LYPD6: variants seen among roughly 807,000 people sequenced by gnomAD.
LYPD6 encodes ly6/PLAUR domain-containing protein 6.
LYPD6 carries 15 observed loss-of-function variants against 22.7 expected under a neutral mutation model. The observed-to-expected ratio is 0.66, with a 90% CI of 0.44 to 1.02. LYPD6 has a LOEUF of 1.02. Ranked by LOEUF, LYPD6 falls within the 50% of genes least tolerant of loss-of-function variation. The pLI is 0.00. For missense variants in LYPD6, 189 were observed against 208.4 expected (o/e 0.91, Z 0.57); for synonymous variants, 72 against 77.5 (o/e 0.93, Z 0.37).
chr2:149,470,896 A>G lies in LYPD6; in HGVS notation c.*46A>G, dbSNP rs762111008. 6.4e-7 allele frequency: 1 copy of G among 1,560,968 alleles called. No homozygotes were observed. The highest frequency in any genetic ancestry group is 8.8e-7 in the Non-Finnish European group (1 of 1,137,256). On this transcript the variant is annotated 3_prime_UTR_variant, in exon 5 of 5. Transcript: ENST00000334166. ...TTAATAGCGATCCATGGGGATCTCG[A>G]TGGTCCACAGACCTGCATGAGTCAT...
intron 1 of LYPD6, among the ~76,000 whole-genome samples, chr2:149,367,470 C>T (rs1301091349): frequency 6.6e-6 from 1 of 152,120 alleles, no homozygotes; most frequent in East Asian, 1.9e-4. Flanking sequence ...TAGAGAGTCA[C>T]TAGAACAGCC....
At chr2:149,388,822 A>T (rs149355955) in intron 1 of LYPD6, among the ~76,000 whole-genome samples, 2 of 152,182 alleles carry the variant, frequency 1.3e-5, no homozygotes, top group African/African-American at 4.8e-5. Flanking sequence ...TCTGTTTTCA[A>T]TAACATTCAA....
At chr2:149,424,133 A>G (rs1189814308) in intron 1 of LYPD6, among the ~76,000 whole-genome samples, 2 of 152,280 alleles carry the variant, frequency 1.3e-5, no homozygotes, top group African/African-American at 4.8e-5. Context: ...GTCAATATGC[A>G]CACAACACAC....
chr2:149,450,240 C>G (rs965919504), intron 3 of LYPD6, among the ~76,000 whole-genome samples: 15 of 152,310 alleles, frequency 9.8e-5, no homozygotes, highest in African/African-American at 3.1e-4. Flanking sequence ...ACATAGATTT[C>G]TGCTCCCACC....
At chr2:149,397,019 A>G (rs1682441695) in intron 1 of LYPD6, among the ~76,000 whole-genome samples, 1 of 152,166 alleles carries the variant, frequency 6.6e-6, no homozygotes, top group African/African-American at 2.4e-5. Context: ...ACCTAATACA[A>G]TGTAAATGCT....
chr2:149,392,800 C>T lies in LYPD6; in HGVS notation c.-71-44838C>T, dbSNP rs1385935532. The stretch of plus-strand genomic sequence containing the variant: ...CAGCACTTTGGGAGGCTGAGGCGGC[C>T]GGATCACAAGGTCCGGAGTTCAAGA... On this transcript the variant is annotated intron_variant, in intron 1 of 4. Transcript: ENST00000334166. Among the ~76,000 whole-genome samples the T allele has an allele frequency of 4.6e-5, 7 of 151,960 alleles. No individual in the cohort carries two copies. In the East Asian group the frequency reaches 5.8e-4, roughly 13 times the overall value.
chr2:149,433,962 A>G (rs1294783961), intron 1 of LYPD6, among the ~76,000 whole-genome samples: 1 of 152,076 alleles, frequency 6.6e-6, no homozygotes, highest in Admixed American at 6.6e-5. Flanking sequence ...ATCTCCCACC[A>G]TTTCTTTTTA....
chr2:149,347,935 G>A (rs780016118), intron 1 of LYPD6, among the ~76,000 whole-genome samples: 1 of 151,966 alleles, frequency 6.6e-6, no homozygotes, highest in East Asian at 1.9e-4. Context: ...ATAGAGTGGA[G>A]CTGGGCGTGG....
intron 1 of LYPD6, among the ~76,000 whole-genome samples, chr2:149,377,890 G>GTAATGA (rs1484699283): frequency 6.7e-6 from 1 of 148,224 alleles, no homozygotes; most frequent in East Asian, 2.0e-4. Flanking sequence ...TTGCCCTGGA[G>GTAATGA]CCTCCTGCAG....
intron 1 of LYPD6, among the ~76,000 whole-genome samples, chr2:149,361,955 A>T (rs1263621888): frequency 6.6e-6 from 1 of 152,140 alleles, no homozygotes; most frequent in African/African-American, 2.4e-5. Context: ...GAAGAAGCAG[A>T]GGTTGCAATG....
chr2:149,393,339 G>A (rs949956827), intron 1 of LYPD6, among the ~76,000 whole-genome samples: 1 of 152,194 alleles, frequency 6.6e-6, no homozygotes, highest in South Asian at 2.1e-4. Flanking sequence ...ATCATTTTCG[G>A]CAGCCAGGCA....
At chr2:149,401,563 C>G (rs1210422841) in intron 1 of LYPD6, among the ~76,000 whole-genome samples, 1 of 152,130 alleles carries the variant, frequency 6.6e-6, no homozygotes. Flanking sequence ...TCTCATATTC[C>G]CTGTCTTTTT....
chr2:149,341,698 C>T (rs1184489280), intron 1 of LYPD6, among the ~76,000 whole-genome samples: 1 of 152,088 alleles, frequency 6.6e-6, no homozygotes, highest in Non-Finnish European at 1.5e-5. Context: ...ATCAAGGCAC[C>T]AGCTGGTGAG....
intron 1 of LYPD6, among the ~76,000 whole-genome samples, chr2:149,374,466 AG>A (rs1285630766): frequency 2.6e-5 from 4 of 152,180 alleles, no homozygotes; most frequent in African/African-American, 9.7e-5. Flanking sequence ...TTGGGAATGA[AG>A]GCAACAATTT....
At chr2:149,441,858 C>T (rs1408477675) in intron 2 of LYPD6, among the ~76,000 whole-genome samples, 1 of 152,114 alleles carries the variant, frequency 6.6e-6, no homozygotes, top group Non-Finnish European at 1.5e-5. Context: ...AGAAAGAAAC[C>T]TTTCCTAAGA....
At chr2:149,364,372 A>T (rs1009509661) in intron 1 of LYPD6, among the ~76,000 whole-genome samples, 1 of 152,144 alleles carries the variant, frequency 6.6e-6, no homozygotes, top group African/African-American at 2.4e-5. Flanking sequence ...AGGATGATGG[A>T]AGGCCTGACC....
chr2:149,363,280 T>C (rs1681603627), intron 1 of LYPD6, among the ~76,000 whole-genome samples: 1 of 152,232 alleles, frequency 6.6e-6, no homozygotes, highest in Admixed American at 6.5e-5. Context: ...AACCTTTTGC[T>C]GTGTGCCAGT....
chr2:149,428,874 G>C (rs1683242900), intron 1 of LYPD6, among the ~76,000 whole-genome samples: 1 of 152,178 alleles, frequency 6.6e-6, no homozygotes, highest in Non-Finnish European at 1.5e-5. Context: ...GTTCCTACTT[G>C]TCAATAGGTA....
At chr2:149,460,192 C>T (rs1355112764) in intron 3 of LYPD6, among the ~76,000 whole-genome samples, 1 of 152,076 alleles carries the variant, frequency 6.6e-6, no homozygotes, top group Non-Finnish European at 1.5e-5. Flanking sequence ...CAATAACTAC[C>T]TTAAATGTAA....
Sources: gnomAD v4.1 joint callset for allele counts (sites outside exome capture counted in the v4.1 genomes callset) on GRCh38, gnomAD v4.1.1 for gene constraint, MANE v1.5 for transcripts, NCBI Gene and HGNC (gene_info 2026-07-23, HGNC 2026-07-21) for gene names.